NELL1: variants seen among roughly 807,000 people sequenced by gnomAD.
NELL1 encodes protein kinase C-binding protein NELL1.
NELL1 carries 76 observed loss-of-function variants against 107.4 expected under a neutral mutation model. The observed-to-expected ratio is 0.71, with a 90% CI of 0.59 to 0.86. The LOEUF is 0.86. NELL1 is among the 40% of genes least tolerant of loss of function. The probability of loss-of-function intolerance (pLI) is 0.00; values close to 1 mark genes in which losing one functional copy is unlikely to be tolerated. For missense variants in NELL1, 1,024 were observed against 1,005.5 expected (o/e 1.02, Z -0.25); for synonymous variants, 353 against 341.2 (o/e 1.03, Z -0.38).
chr11:21,473,940 T>A (rs983888369), intron 15 of NELL1, among the ~76,000 whole-genome samples: 1 of 152,064 alleles, frequency 6.6e-6, no homozygotes, highest in Admixed American at 6.6e-5. Flanking sequence ...AATGTACTAC[T>A]TTACCATAAG....
At chr11:21,020,975 A>G (rs1351791237) in intron 12 of NELL1, among the ~76,000 whole-genome samples, 1 of 150,004 alleles carries the variant, frequency 6.7e-6, no homozygotes, top group Non-Finnish European at 1.5e-5. Context: ...CCTTCCTGGT[A>G]AGGAGGGGCC....
chr11:20,848,411 T>G (rs938260906), intron 4 of NELL1, among the ~76,000 whole-genome samples: 1 of 152,016 alleles, frequency 6.6e-6, no homozygotes, highest in African/African-American at 2.4e-5. Context: ...TTAATGAAAA[T>G]TGAAGAATGA....
chr11:21,492,472 A>G (rs1854848793), intron 15 of NELL1, among the ~76,000 whole-genome samples: 1 of 151,906 alleles, frequency 6.6e-6, no homozygotes, highest in Non-Finnish European at 1.5e-5. Flanking sequence ...CACTATTCAC[A>G]ATAGCAAAGA....
chr11:21,166,246 G>C (rs1403367118), intron 13 of NELL1, among the ~76,000 whole-genome samples: 1 of 151,502 alleles, frequency 6.6e-6, no homozygotes, highest in East Asian at 1.9e-4. Flanking sequence ...AGTTGGAGGA[G>C]TGGGGGTGAG....
intron 2 of NELL1, among the ~76,000 whole-genome samples, chr11:20,727,126 TG>T (rs1215267550): frequency 1.3e-5 from 2 of 152,232 alleles, no homozygotes; most frequent in African/African-American, 4.8e-5. Flanking sequence ...ATGGGATGGC[TG>T]GGTCAAATGG....
chr11:20,980,376 A>C (rs190600351), intron 12 of NELL1, among the ~76,000 whole-genome samples: 42 of 152,302 alleles, frequency 2.8e-4, no homozygotes, highest in African/African-American at 9.9e-4. Flanking sequence ...TGGAATTTAG[A>C]TTGGCCCATT....
chr11:21,537,010 A>G (rs1157008958), intron 16 of NELL1, among the ~76,000 whole-genome samples: 1 of 149,964 alleles, frequency 6.7e-6, no homozygotes. Flanking sequence ...GGAAAATGTC[A>G]GTGAACTGGA....
At chr11:21,237,810 T>A (rs554395362) in intron 14 of NELL1, among the ~76,000 whole-genome samples, 2 of 152,198 alleles carry the variant, frequency 1.3e-5, no homozygotes, top group South Asian at 4.1e-4. Context: ...CTCAGGTACC[T>A]CCTCTGATTA....
intron 12 of NELL1, among the ~76,000 whole-genome samples, chr11:21,074,938 G>T (rs1854099771): frequency 6.6e-6 from 1 of 152,098 alleles, no homozygotes; most frequent in African/African-American, 2.4e-5. Flanking sequence ...ATTCTCTGAG[G>T]TTGAATTAAC....
chr11:20,889,373 A>G (rs1849571406), intron 5 of NELL1, among the ~76,000 whole-genome samples: 1 of 152,260 alleles, frequency 6.6e-6, no homozygotes, highest in Non-Finnish European at 1.5e-5. Context: ...TTTCAAATGT[A>G]GTAGTATATA....
At chr11:20,711,460 ATTG>A (rs1564874413) in intron 2 of NELL1, among the ~76,000 whole-genome samples, 1 of 151,734 alleles carries the variant, frequency 6.6e-6, no homozygotes, top group Non-Finnish European at 1.5e-5. Flanking sequence ...TCATTGTGTT[ATTG>A]TTTTATAGGT....
At chr11:20,937,256 A>G (rs1184904091) in intron 9 of NELL1, among the ~76,000 whole-genome samples, 1 of 152,192 alleles carries the variant, frequency 6.6e-6, no homozygotes, top group East Asian at 1.9e-4. Flanking sequence ...TCTCTAGTGC[A>G]TTGATCTAGC....
intron 12 of NELL1, among the ~76,000 whole-genome samples, chr11:21,082,948 A>G (rs1387226842): frequency 6.6e-6 from 1 of 152,216 alleles, no homozygotes; most frequent in African/African-American, 2.4e-5. Context: ...CTTTTAGTAG[A>G]GAAGTGGCTC....
intron 12 of NELL1, among the ~76,000 whole-genome samples, chr11:21,065,594 C>A (rs865790016): frequency 6.6e-6 from 1 of 152,090 alleles, no homozygotes; most frequent in Non-Finnish European, 1.5e-5. Flanking sequence ...GGATTGCATG[C>A]GTTGCATTCA....
chr11:21,446,899 G>A lies in NELL1; in HGVS notation c.1645+75951G>A, dbSNP rs530157218. Among the ~76,000 whole-genome samples the A allele has an allele frequency of 1.8e-4, 28 of 152,332 alleles. No homozygotes were observed. In the South Asian group the frequency reaches 4.8e-3, roughly 26 times the overall value. On this transcript the variant is annotated intron_variant, in intron 15 of 19. Transcript: ENST00000357134. Reference sequence around the variant, plus strand: ...TGTCCCAGCTTGGTCCAGAGATGCCGTCTGGGAGCCAGGGCCCAGAGTCAG... The same window carrying A: ...TGTCCCAGCTTGGTCCAGAGATGCCATCTGGGAGCCAGGGCCCAGAGTCAG...
chr11:21,277,403 G>A (rs1565143781), intron 14 of NELL1, among the ~76,000 whole-genome samples: 2 of 151,324 alleles, frequency 1.3e-5, no homozygotes. Flanking sequence ...GAAACAACAG[G>A]TGCTGGAGAG....
chr11:21,293,104 G>T (rs1033143272), intron 14 of NELL1, among the ~76,000 whole-genome samples: 1 of 152,108 alleles, frequency 6.6e-6, no homozygotes, highest in Non-Finnish European at 1.5e-5. Flanking sequence ...AAGAGCTTCT[G>T]CACAGCATAA....
chr11:20,895,974 T>G (rs984711905), intron 5 of NELL1, among the ~76,000 whole-genome samples: 29 of 152,182 alleles, frequency 1.9e-4, no homozygotes, highest in African/African-American at 6.3e-4. Flanking sequence ...ATTTGGTGTT[T>G]ATTTTTTATA....
chr11:20,689,242 G>A (rs896487142), intron 2 of NELL1, among the ~76,000 whole-genome samples: 2 of 151,646 alleles, frequency 1.3e-5, no homozygotes, highest in Admixed American at 6.6e-5. Context: ...TTACTCTGTT[G>A]ATAGTCTTCT....
Sources: allele counts gnomAD v4.1 joint callset (sites outside exome capture counted in the v4.1 genomes callset), GRCh38; gene constraint gnomAD v4.1.1; transcripts MANE v1.5; gene names NCBI Gene and HGNC (gene_info 2026-07-23, HGNC 2026-07-21).